The following MACC1 variants were observed in gnomAD, a reference collection of about 807,000 sequenced individuals.
MACC1 encodes MET transcriptional regulator MACC1.
In MACC1, 79 loss-of-function variants were observed where a neutral mutation model predicts 70.7. The observed-to-expected ratio is 1.12, with a 90% CI of 0.93 to 1.35. MACC1 has a LOEUF of 1.35. Among genes scored for constraint, MACC1 ranks in the 40% most tolerant of loss-of-function variants. The pLI, the probability that MACC1 is intolerant of heterozygous loss-of-function variation, is 0.00. For missense variants in MACC1, 1,106 were observed against 978.1 expected, an observed-to-expected ratio of 1.13 and a Z score of -1.74; for synonymous variants, 361 against 347.2, an observed-to-expected ratio of 1.04 and a Z score of -0.44.
chr7:20,185,710 T>C (rs1045839933), intron 1 of MACC1, among the ~76,000 whole-genome samples: 2 of 152,204 alleles, frequency 1.3e-5, no homozygotes, highest in Non-Finnish European at 2.9e-5. Flanking sequence ...CAATGTACGT[T>C]AACTTAAATC....
At chr7:20,177,819 C>T (rs1235209936) in intron 1 of MACC1, among the ~76,000 whole-genome samples, 1 of 151,082 alleles carries the variant, frequency 6.6e-6, no homozygotes, top group African/African-American at 2.4e-5. Context: ...ATATTTTTTC[C>T]CATCTTCTTA....
chr7:20,179,778 C>T (rs1782471422), intron 1 of MACC1, among the ~76,000 whole-genome samples: 1 of 152,060 alleles, frequency 6.6e-6, no homozygotes, highest in Non-Finnish European at 1.5e-5. Context: ...AAATAAGATT[C>T]TGGTCTTCTG....
At chr7:20,214,943 C>T (rs1427759408) in intron 1 of MACC1, among the ~76,000 whole-genome samples, 4 of 152,118 alleles carry the variant, frequency 2.6e-5, no homozygotes, top group Non-Finnish European at 4.4e-5. Flanking sequence ...CTTAAAGTTC[C>T]ACCACCTCCC....
Position 20,207,316 on chromosome 7 carries a change from T to TA in MACC1, c.-218+9982dup, listed in dbSNP as rs571634575. Among the ~76,000 whole-genome samples, 155 of 150,930 alleles carry TA rather than the reference T, an allele frequency of 1.0e-3. 3 individuals carry two copies. In the East Asian group the frequency reaches 0.025, roughly 24 times the overall value. The stretch of plus-strand genomic sequence containing the variant: ...CCACCCCATGTCTGGTTAATTTTTG[T>TA]ATTTTTTTTTTTTTTAGTAGAGACG... On this transcript the variant is annotated intron_variant, in intron 1 of 6. Coordinates refer to ENST00000400331, the MANE Select transcript of MACC1 (RefSeq NM_182762.4).
chr7:20,201,942 G>T (rs779143409), intron 1 of MACC1, among the ~76,000 whole-genome samples: 2 of 152,112 alleles, frequency 1.3e-5, no homozygotes, highest in South Asian at 4.1e-4. Context: ...ATTATTCTTC[G>T]TGTTTTTTCA....
chr7:20,159,265 T>C lies in MACC1; in HGVS notation c.1096A>G (p.Ile366Val), dbSNP rs1782104523. Residue 366 changes from isoleucine (I) to valine (V), a missense_variant, in exon 5 of 7, where the codon ATC (isoleucine) becomes GTC (valine). By Grantham distance (29) the Ile-to-Val change is conservative. Coordinates refer to ENST00000400331, the MANE Select transcript of MACC1 (RefSeq NM_182762.4). ...PSPAATIWDY[I>V]HKTTSIGIYG... The stretch of plus-strand genomic sequence containing the variant: ...ATTCCAATTGAGGTGGTTTTGTGGA[T>C]ATAATCCCAAATGGTGGCAGCTGGT... 6.2e-7 allele frequency: 1 copy of C among 1,613,896 alleles called. No homozygotes were observed. The highest frequency in any genetic ancestry group is 8.5e-7 in the Non-Finnish European group (1 of 1,180,004).
intron 2 of MACC1, among the ~76,000 whole-genome samples, chr7:20,164,995 T>G (rs932759720): frequency 6.6e-6 from 1 of 152,010 alleles, no homozygotes; most frequent in Non-Finnish European, 1.5e-5. Context: ...CCAAATGGAA[T>G]GTAGGTAGAA....
intron 6 of MACC1, among the ~76,000 whole-genome samples, chr7:20,143,341 A>G (rs1281804468): frequency 6.6e-6 from 1 of 152,188 alleles, no homozygotes; most frequent in Admixed American, 6.5e-5. Flanking sequence ...TACGCAGAGC[A>G]CCACATAACG....
chr7:20,147,494 T>C (rs1781910617), intron 6 of MACC1: 1 of 152,226 alleles, frequency 6.6e-6, no homozygotes, highest in African/African-American at 2.4e-5. Flanking sequence ...TCTTAATGAT[T>C]ATTTCATGTG....
chr7:20,159,228 T>C lies in MACC1; in HGVS notation c.1133A>G (p.Lys378Arg). ...KTTSIGIYGP[K>R]YIHPSFTVVL... The stretch of plus-strand genomic sequence containing the variant: ...AACAGTAAAACTGGGATGGATATAT[T>C]TGGGTCCATAAATTCCAATTGAGGT... Residue 378 changes from lysine (K) to arginine (R), a missense_variant, in exon 5 of 7, where the codon AAA becomes AGA. Lys to Arg is a conservative substitution (Grantham distance 26). Transcript: ENST00000400331. The C allele has an allele frequency of 1.2e-6, 2 of 1,613,990 alleles. No homozygotes were observed. The highest frequency in any genetic ancestry group is 2.2e-5 in the South Asian group (2 of 91,034).
chr7:20,177,007 G>C lies in MACC1; in HGVS notation c.-217-6229C>G, dbSNP rs564621176. 7.2e-5 allele frequency among the ~76,000 whole-genome samples: 11 copies of C among 151,862 alleles called. No individual in the cohort carries two copies. In the East Asian group the frequency reaches 1.7e-3, roughly 24 times the overall value. The stretch of plus-strand genomic sequence containing the variant: ...GTTTTGTATCTTAATAGCACTGGCA[G>C]TTATACAAATCTACACGTGATAAAA... On this transcript the variant is annotated intron_variant, in intron 1 of 6. Transcript: ENST00000400331.
At chr7:20,154,724 C>T (rs907707641) in intron 5 of MACC1, among the ~76,000 whole-genome samples, 6 of 152,086 alleles carry the variant, frequency 3.9e-5, no homozygotes, top group Admixed American at 2.0e-4. Context: ...GAAGTTCCGG[C>T]AGTCTCTAAT....
In MACC1 at chr7:20,159,316, C is replaced by A. The variant is rs750322964; in HGVS notation, c.1045G>T (p.Ala349Ser). ...GACGGAAGAGCTTTAGCTTGTGCAG[C>A]AACCACTAGATACATTACCTGACTC... ...DLSQVMYLVV[A>S]AQAKALPSPA... is the part of the protein sequence containing the mutation. Residue 349 changes from alanine (A) to serine (S), a missense_variant, in exon 5 of 7, where the codon GCT becomes TCT. Transcript: ENST00000400331. The A allele has an allele frequency of 1.2e-6, 2 of 1,614,090 alleles. No homozygotes were observed.
chr7:20,160,165 G>A lies in MACC1; in HGVS notation c.196C>T (p.Pro66Ser). ...RGNNASKVAN[P>S]FWNQLSASNP... Reference sequence around the variant, plus strand: ...GAAGCAGACAGTTGATTCCAGAATGGATTTGCAACTTTGGAAGCATTATTA... The same window carrying A: ...GAAGCAGACAGTTGATTCCAGAATGAATTTGCAACTTTGGAAGCATTATTA... Residue 66 changes from proline (P) to serine (S), a missense_variant, in exon 5 of 7, where the codon CCA becomes TCA. By Grantham distance (74) the Pro-to-Ser change is moderately conservative. Transcript: ENST00000400331. 1 of 1,611,416 alleles carries A rather than the reference G, an allele frequency of 6.2e-7. No individual in the cohort carries two copies. The highest frequency in any genetic ancestry group is 1.7e-5 in the Admixed American group (1 of 59,442).
At chr7:20,201,644 C>G (rs1782834870) in intron 1 of MACC1, among the ~76,000 whole-genome samples, 1 of 152,132 alleles carries the variant, frequency 6.6e-6, no homozygotes, top group South Asian at 2.1e-4. Flanking sequence ...AGGTGGAAAG[C>G]AAAAGTTGAA....
intron 1 of MACC1, among the ~76,000 whole-genome samples, chr7:20,205,290 A>C (rs1288092458): frequency 6.6e-6 from 1 of 152,252 alleles, no homozygotes; most frequent in African/African-American, 2.4e-5. Context: ...AAAAGAACAT[A>C]GAAGTTGGAA....
At chr7:20,184,563 A>G (rs899975746) in intron 1 of MACC1, among the ~76,000 whole-genome samples, 1 of 152,228 alleles carries the variant, frequency 6.6e-6, no homozygotes, top group African/African-American at 2.4e-5. Flanking sequence ...CCTATCTAAT[A>G]AATTTCTTGC....
At chr7:20,155,884 A>T (rs914143809) in intron 5 of MACC1, among the ~76,000 whole-genome samples, 31 of 152,286 alleles carry the variant, frequency 2.0e-4, no homozygotes, top group African/African-American at 6.5e-4. Flanking sequence ...TTTAGGGAAA[A>T]GATCTGTACT....
chr7:20,156,376 C>T (rs1002198567), intron 5 of MACC1, among the ~76,000 whole-genome samples: 14 of 152,168 alleles, frequency 9.2e-5, no homozygotes, highest in Non-Finnish European at 1.9e-4. Flanking sequence ...CCGCTTGAGG[C>T]ACTCTGGTAA....
Sources: gnomAD v4.1 joint callset for allele counts (sites outside exome capture counted in the v4.1 genomes callset) on GRCh38, gnomAD v4.1.1 for gene constraint, MANE v1.5 for transcripts, NCBI Gene and HGNC (gene_info 2026-07-23, HGNC 2026-07-21) for gene names.